The following KALRN variants were observed in gnomAD, a reference collection of about 807,000 sequenced individuals.
The protein encoded by KALRN is kalirin.
Under a neutral mutation model 353.7 loss-of-function variants are expected in KALRN, and 70 were observed. The ratio of observed to expected loss-of-function variants is 0.20; its 90% confidence interval spans 0.16 to 0.24. The LOEUF is 0.24. KALRN is among the 10% of genes least tolerant of loss of function. The probability of loss-of-function intolerance (pLI) is 1.00; values close to 1 mark genes in which losing one functional copy is unlikely to be tolerated. For synonymous variants in KALRN, 1,391 were observed against 1,434.8 expected (o/e 0.97, Z 0.69); for missense variants, 2,791 against 3,756.7 (o/e 0.74, Z 6.72).
intron 28 of KALRN, among the ~76,000 whole-genome samples, chr3:124,483,603 G>A (rs950332414): frequency 6.6e-6 from 1 of 152,072 alleles, no homozygotes; most frequent in Non-Finnish European, 1.5e-5. Flanking sequence ...GAGTCCTAAG[G>A]GCAGTGCCAG....
chr3:124,092,911 G>A (rs925102601), intron 1 of KALRN, among the ~76,000 whole-genome samples: 46 of 152,224 alleles, frequency 3.0e-4, no homozygotes, highest in African/African-American at 9.6e-4. Context: ...GAGAAACACC[G>A]GGTTACTTCT....
chr3:124,499,120 T>G (rs2064214350), intron 33 of KALRN, among the ~76,000 whole-genome samples: 1 of 152,104 alleles, frequency 6.6e-6, no homozygotes, highest in Admixed American at 6.5e-5. Context: ...TCCAGAGGAA[T>G]GACAGTAATA....
At chr3:124,274,690 C>T (rs2074514649) in intron 5 of KALRN, among the ~76,000 whole-genome samples, 1 of 152,172 alleles carries the variant, frequency 6.6e-6, no homozygotes, top group African/African-American at 2.4e-5. Flanking sequence ...CCTTATCACC[C>T]TGCTTGAGAG....
intron 6 of KALRN, among the ~76,000 whole-genome samples, chr3:124,320,960 A>G (rs192477319): frequency 1.3e-5 from 2 of 152,328 alleles, no homozygotes; most frequent in East Asian, 1.9e-4. Context: ...AAAGACAATG[A>G]GACTTCGCTT....
At chr3:124,713,706 G>A (rs1241175029) in intron 58 of KALRN, among the ~76,000 whole-genome samples, 1 of 152,184 alleles carries the variant, frequency 6.6e-6, no homozygotes, top group African/African-American at 2.4e-5. Context: ...CCCAGGCTAA[G>A]AAGAGACAGT....
intron 1 of KALRN, among the ~76,000 whole-genome samples, chr3:124,221,052 G>A (rs1022776425): frequency 1.3e-5 from 2 of 152,224 alleles, no homozygotes; most frequent in African/African-American, 4.8e-5. Flanking sequence ...ACTTGCAGTG[G>A]CATCTTTGCC....
intron 3 of KALRN, among the ~76,000 whole-genome samples, chr3:124,248,748 C>T (rs2070701984): frequency 6.6e-6 from 1 of 152,216 alleles, no homozygotes; most frequent in Non-Finnish European, 1.5e-5. Context: ...GTTTTGAGAG[C>T]TACTAAAAAA....
intron 33 of KALRN, among the ~76,000 whole-genome samples, chr3:124,549,235 C>T (rs1019962251): frequency 1.3e-5 from 2 of 152,036 alleles, no homozygotes; most frequent in African/African-American, 4.8e-5. Flanking sequence ...CCTCAGCCTC[C>T]TCTATCTTGC....
At chr3:124,278,026 G>GTGTGTGTGTGTA (rs2074946922) in intron 5 of KALRN, among the ~76,000 whole-genome samples, 1 of 151,932 alleles carries the variant, frequency 6.6e-6, no homozygotes, top group Admixed American at 6.6e-5. Context: ...GTGTGTGTGT[G>GTGTGTGTGTGTA]TGGTGCAGGG....
At chr3:124,499,358 A>G (rs964183432) in intron 33 of KALRN, among the ~76,000 whole-genome samples, 2 of 152,240 alleles carry the variant, frequency 1.3e-5, no homozygotes, top group Non-Finnish European at 2.9e-5. Context: ...TGTAAAGCAA[A>G]GATAATAATA....
At chr3:124,488,106 A>G in intron 28 of KALRN, 98 bp from the exon 29 acceptor site, 1 of 698,034 alleles carries the variant, frequency 1.4e-6, no homozygotes, top group Non-Finnish European at 2.6e-6. Context: ...GAACCATTAC[A>G]GAGAGCGAAG....
intron 1 of KALRN, among the ~76,000 whole-genome samples, chr3:124,094,322 C>T (rs1178653215): frequency 6.6e-6 from 1 of 151,900 alleles, no homozygotes; most frequent in African/African-American, 2.4e-5. Context: ...GTGGTCCCTA[C>T]AGTGAGGCAG....
At chr3:124,500,140 C>T (rs922825751) in intron 33 of KALRN, among the ~76,000 whole-genome samples, 3 of 152,216 alleles carry the variant, frequency 2.0e-5, no homozygotes, top group African/African-American at 7.2e-5. Context: ...GTGTCCAGTG[C>T]TGGCTCAGAA....
intron 3 of KALRN, among the ~76,000 whole-genome samples, chr3:124,246,536 G>C (rs368157231): frequency 6.6e-6 from 1 of 150,808 alleles, no homozygotes; most frequent in African/African-American, 2.5e-5. Flanking sequence ...TGTGTAGTCA[G>C]TTCTGGCATG....
chr3:124,403,932 A>G (rs1243390544), intron 13 of KALRN, among the ~76,000 whole-genome samples: 3 of 152,174 alleles, frequency 2.0e-5, no homozygotes, highest in Non-Finnish European at 4.4e-5. Context: ...CAGGATGTTC[A>G]TAGAGGGTTT....
At chr3:124,326,832 G>C (rs1438741930) in intron 7 of KALRN, among the ~76,000 whole-genome samples, 1 of 152,170 alleles carries the variant, frequency 6.6e-6, no homozygotes, top group African/African-American at 2.4e-5. Flanking sequence ...TCTAGCTATT[G>C]CTTAATTATG....
chr3:124,189,440 G>A (rs149695742), intron 1 of KALRN, among the ~76,000 whole-genome samples: 158 of 152,290 alleles, frequency 1.0e-3, no homozygotes, highest in African/African-American at 3.7e-3. Flanking sequence ...GGCAGCAAGT[G>A]GAAATACCCC....
intron 59 of KALRN, 128 bp downstream of exon 59, chr3:124,717,513 C>T (rs182895032): frequency 1.1e-4 from 55 of 518,102 alleles, no homozygotes; most frequent in Non-Finnish European, 1.3e-4. Flanking sequence ...GGTGAAACCC[C>T]GTCTCTACTA....
chr3:124,181,076 C>CAAAAAAAAAAAAAAAAAAAAAAAAA (rs60579271), intron 1 of KALRN, among the ~76,000 whole-genome samples: 2 of 55,282 alleles, frequency 3.6e-5, no homozygotes, highest in African/African-American at 7.5e-5. Context: ...ACTAAAAATA[C>CAAAAAAAAAAAAAAAAAAAAAAAAA]AAAAAAAAAA....
Sources: gnomAD v4.1 joint callset for allele counts (sites outside exome capture counted in the v4.1 genomes callset) on GRCh38, gnomAD v4.1.1 for gene constraint, MANE v1.5 for transcripts, NCBI Gene and HGNC (gene_info 2026-07-23, HGNC 2026-07-21) for gene names.